VWA3B: variants seen among roughly 807,000 people sequenced by gnomAD.
VWA3B encodes von Willebrand factor A domain-containing protein 3B.
A neutral mutation model predicts 158.3 loss-of-function variants in VWA3B; 138 were observed. The ratio of observed to expected loss-of-function variants is 0.87; its 90% CI spans 0.76 to 1.00. The LOEUF is 1.00. Ranked by LOEUF, VWA3B falls within the 50% of genes least tolerant of loss-of-function variation. The pLI is 0.00. For missense variants in VWA3B, 1,555 were observed against 1,565.1 expected (o/e 0.99, Z 0.11); for synonymous variants, 596 against 587.3 (o/e 1.01, Z -0.21).
At chr2:98,219,203 A>G (rs1229119915) in intron 14 of VWA3B, among the ~76,000 whole-genome samples, 1 of 152,244 alleles carries the variant, frequency 6.6e-6, no homozygotes, top group African/African-American at 2.4e-5. Flanking sequence ...TGAAGACTTA[A>G]AATGTACCCA....
At chr2:98,200,981 A>G (rs780798967) in intron 12 of VWA3B, among the ~76,000 whole-genome samples, 6 of 152,154 alleles carry the variant, frequency 3.9e-5, no homozygotes, top group Non-Finnish European at 7.4e-5. Context: ...TGAACTATTA[A>G]TAGGTGTCTG....
At chr2:98,275,335 C>A (rs944591593) in intron 22 of VWA3B, among the ~76,000 whole-genome samples, 6 of 152,216 alleles carry the variant, frequency 3.9e-5, no homozygotes, top group Middle Eastern at 3.4e-3. Flanking sequence ...GTGAGAGAGG[C>A]CAATAAACAG....
At chr2:98,299,561 C>T (rs747547795) in intron 24 of VWA3B, among the ~76,000 whole-genome samples, 15 of 152,300 alleles carry the variant, frequency 9.8e-5, no homozygotes, top group Middle Eastern at 3.4e-3. Context: ...TGCTCTTGTA[C>T]CCTGATGATG....
intron 14 of VWA3B, among the ~76,000 whole-genome samples, chr2:98,226,891 T>A (rs1438778485): frequency 8.5e-5 from 13 of 152,176 alleles, no homozygotes; most frequent in Admixed American, 7.9e-4. Context: ...TGATGGAACA[T>A]ATCTTAAAAT....
At chr2:98,229,786 G>A (rs183565044) in intron 15 of VWA3B, among the ~76,000 whole-genome samples, 1 of 152,296 alleles carries the variant, frequency 6.6e-6, no homozygotes, top group Admixed American at 6.5e-5. Context: ...AGAGGATTGA[G>A]TGACTTGACT....
chr2:98,227,428 T>C (rs1198569041), intron 14 of VWA3B, among the ~76,000 whole-genome samples: 1 of 152,220 alleles, frequency 6.6e-6, no homozygotes, highest in Non-Finnish European at 1.5e-5. Flanking sequence ...CCGACGTCCA[T>C]GCAAAGACTT....
At chr2:98,212,194 T>C (rs1683584627) in intron 13 of VWA3B, 166 bp downstream of exon 13, 1 of 561,864 alleles carries the variant, frequency 1.8e-6, no homozygotes, top group Non-Finnish European at 3.2e-6. Context: ...GAAAGATTCT[T>C]TTGTCTCTGG....
At chr2:98,179,457 G>A (rs1372099313) in intron 8 of VWA3B, 1 of 410,048 alleles carries the variant, frequency 2.4e-6, no homozygotes, top group Non-Finnish European at 5.0e-6. Context: ...CCTAGATAGG[G>A]CACATGAGGT....
intron 3 of VWA3B, among the ~76,000 whole-genome samples, chr2:98,118,180 T>G (rs1674678481): frequency 6.6e-6 from 1 of 152,232 alleles, no homozygotes; most frequent in African/African-American, 2.4e-5. Context: ...CCTTTACCTT[T>G]AAAATCCACC....
At chr2:98,186,094 G>A (rs11124075) in intron 9 of VWA3B, among the ~76,000 whole-genome samples, 127,020 of 150,890 alleles carry the variant, frequency 0.84, 53,725 homozygotes, top group East Asian at 0.97. Flanking sequence ...AAATCCAGGG[G>A]TCCATTCTCA....
chr2:98,179,943 C>T (rs1680401223), intron 8 of VWA3B, among the ~76,000 whole-genome samples: 1 of 131,328 alleles, frequency 7.6e-6, no homozygotes, highest in African/African-American at 3.0e-5. Flanking sequence ...TCCCTCCCTC[C>T]TTTCTCTCTT....
At chr2:98,142,312 G>A (rs895355558) in intron 7 of VWA3B, among the ~76,000 whole-genome samples, 5 of 152,108 alleles carry the variant, frequency 3.3e-5, no homozygotes, top group African/African-American at 9.7e-5. Context: ...CTCCCAGGGT[G>A]CTGCAAAGAA....
At chr2:98,115,279 C>A (rs1049564394) in intron 2 of VWA3B, among the ~76,000 whole-genome samples, 1 of 152,020 alleles carries the variant, frequency 6.6e-6, no homozygotes, top group Non-Finnish European at 1.5e-5. Flanking sequence ...GAACATCACA[C>A]ACCAGGGCCT....
chr2:98,263,671 T>C (rs1285026930), intron 21 of VWA3B, among the ~76,000 whole-genome samples: 1 of 152,084 alleles, frequency 6.6e-6, no homozygotes, highest in Non-Finnish European at 1.5e-5. Context: ...TGCATCACTG[T>C]TCACCAGGGA....
Position 98,297,267 on chromosome 2 carries a change from A to G in VWA3B, c.3158-640A>G, listed in dbSNP as rs187763104. On this transcript the variant is annotated intron_variant, in intron 23 of 27. Coordinates refer to ENST00000477737, the MANE Select transcript of VWA3B (RefSeq NM_144992.5). ...CAGCTAATTTTTGTATTTTCAGTAG[A>G]GACGGGGTTTCACCATGTTAGCCAG... Among the ~76,000 whole-genome samples the G allele has an allele frequency of 1.6e-3, 241 of 152,066 alleles. 1 individual carries two copies. The highest frequency in any genetic ancestry group is 1.0e-3 in the Non-Finnish European group (70 of 67,978).
chr2:98,107,138 A>T (rs1329124065), intron 2 of VWA3B, among the ~76,000 whole-genome samples: 1 of 152,110 alleles, frequency 6.6e-6, no homozygotes, highest in South Asian at 2.1e-4. Context: ...ACTTTAATGG[A>T]TTATATTATT....
In VWA3B at chr2:98,297,085, A is replaced by AT. The variant is rs751540124; in HGVS notation, c.3158-809dup. ...AAAGAAACTTCTTACCTCTTTTTTCATTTTTTTTTTTTTGAGACATAATTT... is the reference window on the plus strand; with the variant it reads ...AAAGAAACTTCTTACCTCTTTTTTCATTTTTTTTTTTTTTGAGACATAATTT... On this transcript the variant is annotated intron_variant, in intron 23 of 27. Coordinates refer to ENST00000477737, the MANE Select transcript of VWA3B (RefSeq NM_144992.5). 8.0e-3 allele frequency among the ~76,000 whole-genome samples: 1,140 copies of AT among 143,000 alleles called. 13 individuals are homozygous for AT. Among genetic ancestry groups the AT allele is most frequent in the East Asian group, 0.053 (263 of 4,938 alleles). The allele number at this position is 143,000 out of a possible 152,430, so 93.8% of individuals were successfully genotyped here.
At chr2:98,314,795 G>A (rs1049656682), downstream of VWA3B, among the ~76,000 whole-genome samples, 1 of 152,090 alleles carries the variant, frequency 6.6e-6, no homozygotes, top group Non-Finnish European at 1.5e-5. Context: ...GGCCGAGGTG[G>A]GTGGATCACC....
chr2:98,108,127 T>C (rs1559538325), intron 2 of VWA3B, among the ~76,000 whole-genome samples: 2 of 152,130 alleles, frequency 1.3e-5, no homozygotes, highest in African/African-American at 2.4e-5. Context: ...TATGGACTTT[T>C]AGATGCGTAT....
Sources: gnomAD v4.1 joint callset for allele counts (sites outside exome capture counted in the v4.1 genomes callset) on GRCh38, gnomAD v4.1.1 for gene constraint, MANE v1.5 for transcripts, NCBI Gene and HGNC (gene_info 2026-07-23, HGNC 2026-07-21) for gene names.